CIB4: variants seen among roughly 807,000 people sequenced by gnomAD.
CIB4 encodes the protein calcium and integrin-binding family member 4.
Under a neutral mutation model 25.8 loss-of-function variants are expected in CIB4, and 25 were observed. The observed-to-expected ratio is 0.97, with a 90% CI of 0.71 to 1.35. CIB4 has a LOEUF of 1.35. CIB4 is among the 40% of genes most tolerant of loss of function. CIB4 has a pLI of 0.00. For synonymous variants in CIB4, 75 were observed against 81.4 expected, an observed-to-expected ratio of 0.92 and a Z score of 0.42; for missense variants, 235 against 228.2, an observed-to-expected ratio of 1.03 and a Z score of -0.19.
chr2:26,640,395 G>T, intron 2 of CIB4, 138 bp downstream of exon 2: 1 of 892,976 alleles, frequency 1.1e-6, no homozygotes, highest in Non-Finnish European at 1.7e-6. Flanking sequence ...TGCCTGCCGT[G>T]TCCCAGCCCC....
chr2:26,614,914 C>A (rs1288867925), intron 3 of CIB4, among the ~76,000 whole-genome samples: 3 of 152,226 alleles, frequency 2.0e-5, no homozygotes, highest in African/African-American at 7.2e-5. Context: ...GGATAATGCG[C>A]CCTGCTCTTG....
At chr2:26,629,560 G>T (rs1166891668) in intron 2 of CIB4, 54 bp from the exon 3 acceptor site, 6 of 1,264,652 alleles carry the variant, frequency 4.7e-6, no homozygotes, top group Non-Finnish European at 6.7e-6. Context: ...CCAGCACTGT[G>T]TGGCCGGGGA....
chr2:26,588,160 C>G (rs1187260896), intron 4 of CIB4, among the ~76,000 whole-genome samples: 5 of 152,262 alleles, frequency 3.3e-5, no homozygotes, highest in Admixed American at 6.5e-5. Context: ...TGCAGTGACA[C>G]TACACTGCTG....
At chr2:26,589,062 CTT>C (rs1182051791) in intron 4 of CIB4, among the ~76,000 whole-genome samples, 12 of 41,178 alleles carry the variant, frequency 2.9e-4, no homozygotes, top group Non-Finnish European at 4.4e-4. Context: ...TCTTCTTCCT[CTT>C]CCTCTTCCTC....
chr2:26,601,178 C>T (rs1193360167), intron 3 of CIB4, among the ~76,000 whole-genome samples: 1 of 145,522 alleles, frequency 6.9e-6, no homozygotes, highest in African/African-American at 2.6e-5. Flanking sequence ...CATGATTGTG[C>T]CACTGCACTC....
At chr2:26,615,810 C>T (rs1389436573) in intron 3 of CIB4, among the ~76,000 whole-genome samples, 2 of 152,270 alleles carry the variant, frequency 1.3e-5, no homozygotes, top group Non-Finnish European at 2.9e-5. Context: ...TGAGCTTTTT[C>T]TGAAACAAAC....
rs543275445 is a variant in CIB4 at position 26,631,211 on chromosome 2, A to G, written c.90-1705T>C. On this transcript the variant is annotated intron_variant, in intron 2 of 6. Transcript: ENST00000288861. ...AAGTGAAGACCGGGTGCGGCGGCTCATACCAGTAATCCCAGCCCTTCAGGA... is the reference window on the plus strand; with the variant it reads ...AAGTGAAGACCGGGTGCGGCGGCTCGTACCAGTAATCCCAGCCCTTCAGGA... 3.3e-5 allele frequency among the ~76,000 whole-genome samples: 5 copies of G among 152,316 alleles called. No homozygotes were observed. The East Asian group carries it at 9.6e-4, about 29-fold the overall frequency.
intron 4 of CIB4, among the ~76,000 whole-genome samples, chr2:26,585,946 G>A (rs1277452172): frequency 6.6e-6 from 1 of 152,010 alleles, no homozygotes; most frequent in African/African-American, 2.4e-5. Context: ...GACTCTTCCA[G>A]CCACTCAGGC....
At chr2:26,616,214 A>G (rs541637638) in intron 3 of CIB4, among the ~76,000 whole-genome samples, 2 of 152,346 alleles carry the variant, frequency 1.3e-5, no homozygotes, top group East Asian at 3.9e-4. Context: ...CCCAGATCTC[A>G]GGACTTCCTG....
chr2:26,633,817 C>T (rs1298479234), intron 2 of CIB4, among the ~76,000 whole-genome samples: 3 of 152,206 alleles, frequency 2.0e-5, no homozygotes, highest in South Asian at 2.1e-4. Flanking sequence ...GGCTCAGGGG[C>T]TGGCCCTAAG....
chr2:26,636,679 AG>A (rs1669538540), intron 2 of CIB4, among the ~76,000 whole-genome samples: 1 of 151,950 alleles, frequency 6.6e-6, no homozygotes. Flanking sequence ...TCCTATGAAA[AG>A]GTCCATAAGA....
chr2:26,605,407 G>C (rs769800598), intron 3 of CIB4: 111 of 446,732 alleles, frequency 2.5e-4, no homozygotes, highest in Non-Finnish European at 4.9e-4. Flanking sequence ...TGTGCTCCTG[G>C]GCTACCTGCA....
chr2:26,590,367 T>C (rs929081212), intron 4 of CIB4, among the ~76,000 whole-genome samples: 1 of 149,390 alleles, frequency 6.7e-6, no homozygotes, highest in African/African-American at 2.5e-5. Flanking sequence ...CACAGAGGAA[T>C]CTTGCTAAAA....
At chr2:26,615,129 C>G (rs1026429712) in intron 3 of CIB4, among the ~76,000 whole-genome samples, 8 of 152,130 alleles carry the variant, frequency 5.3e-5, no homozygotes, top group Non-Finnish European at 1.0e-4. Context: ...ACTCAGGTAC[C>G]CAGTGCCTAA....
rs138126893 is a variant in CIB4 at position 26,613,882 on chromosome 2, G to A, written c.186+15528C>T. 2.3e-4 allele frequency among the ~76,000 whole-genome samples: 35 copies of A among 152,344 alleles called. No homozygotes were observed. The East Asian group carries it at 5.0e-3, about 22-fold the overall frequency. On this transcript the variant is annotated intron_variant, in intron 3 of 6. Coordinates refer to ENST00000288861, the MANE Select transcript of CIB4 (RefSeq NM_001029881.3). ...TGCCTCTCTGCACCTGGGTGAATGT[G>A]TCCCCGCATCTCAGCTGTCCCAGCT... is the stretch of plus-strand genomic sequence containing the variant.
chr2:26,607,230 T>C (rs1216573972), intron 3 of CIB4, among the ~76,000 whole-genome samples: 2 of 152,212 alleles, frequency 1.3e-5, no homozygotes, highest in Non-Finnish European at 2.9e-5. Flanking sequence ...AAAAAGTTAG[T>C]ATAATGACTT....
At chr2:26,626,389 A>C (rs1189543128) in intron 3 of CIB4, among the ~76,000 whole-genome samples, 1 of 120,352 alleles carries the variant, frequency 8.3e-6, no homozygotes, top group Non-Finnish European at 1.7e-5. Flanking sequence ...GTAGAAAAAA[A>C]AAGCAACATA....
At chr2:26,637,368 T>G (rs1669553797) in intron 2 of CIB4, among the ~76,000 whole-genome samples, 1 of 152,100 alleles carries the variant, frequency 6.6e-6, no homozygotes, top group Admixed American at 6.5e-5. Context: ...TTGTAAAATT[T>G]TTGTTGACCT....
chr2:26,623,075 G>A (rs971788286), intron 3 of CIB4, among the ~76,000 whole-genome samples: 1 of 152,060 alleles, frequency 6.6e-6, no homozygotes, highest in Non-Finnish European at 1.5e-5. Context: ...TAGGTATGGT[G>A]GTTCATGCCT....
Sources: gnomAD v4.1 joint callset for allele counts (sites outside exome capture counted in the v4.1 genomes callset) on GRCh38, gnomAD v4.1.1 for gene constraint, MANE v1.5 for transcripts, NCBI Gene and HGNC (gene_info 2026-07-23, HGNC 2026-07-21) for gene names.